Variants in GSE1 observed in about 807,000 individuals in gnomAD.
GSE1 encodes the protein genetic suppressor element 1.
In GSE1, 32 loss-of-function variants were observed where a neutral mutation model predicts 112.6. The observed-to-expected ratio is 0.28, with a 90% CI of 0.21 to 0.38. GSE1 has a LOEUF of 0.38. Ranked by LOEUF, GSE1 falls within the 10% of genes least tolerant of loss-of-function variation. The pLI is 1.00. For missense variants in GSE1, 2,348 were observed against 1,699.2 expected, an observed-to-expected ratio of 1.38 and a Z score of -6.71; for synonymous variants, 1,115 against 735.6, an observed-to-expected ratio of 1.52 and a Z score of -8.35.
At chr16:85,614,304 C>A (rs903664023) in intron 1 of GSE1, among the ~76,000 whole-genome samples, 5 of 152,116 alleles carry the variant, frequency 3.3e-5, no homozygotes, top group Non-Finnish European at 5.9e-5. Context: ...TATTGCAGCA[C>A]CAGAGACACC....
chr16:85,555,543 A>G, upstream of GSE1: 1 of 977,958 alleles, frequency 1.0e-6, no homozygotes, highest in Non-Finnish European at 1.2e-6. Flanking sequence ...TTGGGTATTA[A>G]TTTTCTCCTC....
chr16:85,390,709 C>G (rs1261669608), intron 2 of GSE1, among the ~76,000 whole-genome samples: 1 of 83,698 alleles, frequency 1.2e-5, no homozygotes, highest in Admixed American at 1.1e-4. Flanking sequence ...TCTGCCCCCC[C>G]CACCCCTCCC....
chr16:85,287,010 C>A (rs1054737961), intron 1 of GSE1, among the ~76,000 whole-genome samples: 6 of 152,186 alleles, frequency 3.9e-5, no homozygotes, highest in African/African-American at 9.6e-5. Context: ...CTGCCCGCCC[C>A]GGGTGCCGCC....
intron 1 of GSE1, among the ~76,000 whole-genome samples, chr16:85,599,725 CCTT>C (rs1334574414): frequency 1.3e-5 from 2 of 152,206 alleles, no homozygotes; most frequent in Admixed American, 1.3e-4. Flanking sequence ...TTCTCTTTCT[CCTT>C]CTCTCCCTCT....
exon 1 of GSE1, chr16:85,169,985 ACGACGGTGGCGGCCCCCGGCTGCGCGG>A (rs1030578149): frequency 6.0e-5 from 59 of 984,416 alleles, no homozygotes; most frequent in Non-Finnish European, 6.9e-5. Flanking sequence ...GACGACGAGG[ACGACGGTGGCGGCCCCCGGCTGCGCGG>A]GGCCGCGGAG....
intron 2 of GSE1, among the ~76,000 whole-genome samples, chr16:85,390,218 G>A (rs1305934817): frequency 2.0e-5 from 3 of 152,180 alleles, no homozygotes; most frequent in Non-Finnish European, 4.4e-5. Flanking sequence ...CACAGTAGGT[G>A]CTCCAAAATA....
At position 85,654,417 on chromosome 16, in the gene GSE1, C is replaced by T; in HGVS notation, c.566C>T (p.Ser189Leu). 1 of 1,582,382 alleles carries T rather than the reference C, an allele frequency of 6.3e-7. No individual in the cohort carries two copies. The highest frequency in any genetic ancestry group is 1.3e-5 in the African/African-American group (1 of 74,094). The part of the protein sequence containing the change: ...TPYPFGLSPS[S>L]VVQDSRFPPL... ...TACCCCTTCGGCCTCTCCCCCAGCT[C>T]AGTTGTGCAGGATTCCCGCTTCCCG... Residue 189 changes from serine to leucine, a missense_variant, in exon 4 of 16, where the codon TCA becomes TTA. Coordinates refer to ENST00000253458, the MANE Select transcript of GSE1 (RefSeq NM_014615.5).
intron 1 of GSE1, among the ~76,000 whole-genome samples, chr16:85,245,967 T>G (rs72805697): frequency 0.17 from 24,772 of 149,032 alleles, 2,284 homozygotes; most frequent in South Asian, 0.36. Flanking sequence ...CGTGTGTGTG[T>G]GGGGGGCTGT....
chr16:85,335,707 G>A (rs1405461659), intron 1 of GSE1, among the ~76,000 whole-genome samples: 1 of 152,224 alleles, frequency 6.6e-6, no homozygotes, highest in Non-Finnish European at 1.5e-5. Context: ...TTGGCTGCCG[G>A]GAGAAAGAGA....
At chr16:85,476,123 G>T (rs2050447051) in intron 2 of GSE1, among the ~76,000 whole-genome samples, 1 of 152,320 alleles carries the variant, frequency 6.6e-6, no homozygotes, top group East Asian at 1.9e-4. Context: ...GTAGAGACGG[G>T]ATTTCGCCAT....
chr16:85,343,391 G>T (rs531310282), intron 1 of GSE1, among the ~76,000 whole-genome samples: 4 of 152,172 alleles, frequency 2.6e-5, no homozygotes, highest in Non-Finnish European at 4.4e-5. Flanking sequence ...TGGAGGCTGG[G>T]TGAAGGGTGT....
intron 1 of GSE1, among the ~76,000 whole-genome samples, chr16:85,568,678 C>A (rs1457571863): frequency 6.6e-6 from 1 of 152,154 alleles, no homozygotes; most frequent in Non-Finnish European, 1.5e-5. Flanking sequence ...CTTGGGAAAC[C>A]CTTCCCCATT....
chr16:85,556,753 C>G (rs1241356228), intron 1 of GSE1, among the ~76,000 whole-genome samples: 3 of 142,084 alleles, frequency 2.1e-5, no homozygotes, highest in Non-Finnish European at 4.7e-5. Flanking sequence ...TAGCATGCCC[C>G]CCCCCCCCCC....
At chr16:85,671,166 G>GCA in intron 15 of GSE1, 68 bp downstream of exon 15, 2 of 907,602 alleles carry the variant, frequency 2.2e-6, no homozygotes, top group Non-Finnish European at 3.6e-6. Flanking sequence ...AAACACCCAT[G>GCA]CAGATAAGTT....
intron 2 of GSE1, among the ~76,000 whole-genome samples, chr16:85,390,728 C>T (rs1028011071): frequency 6.7e-6 from 1 of 149,964 alleles, no homozygotes; most frequent in African/African-American, 2.5e-5. Context: ...CCCGCCACCG[C>T]CCAGCTCTGG....
intron 1 of GSE1, among the ~76,000 whole-genome samples, chr16:85,265,542 CT>C (rs879371512): frequency 6.6e-6 from 1 of 152,186 alleles, no homozygotes; most frequent in Non-Finnish European, 1.5e-5. Flanking sequence ...CAGACCCCTC[CT>C]TTGTCCCCTG....
At chr16:85,276,178 C>G (rs1340749364) in intron 1 of GSE1, among the ~76,000 whole-genome samples, 1 of 152,280 alleles carries the variant, frequency 6.6e-6, no homozygotes, top group African/African-American at 2.4e-5. Context: ...CAGGCCAGGC[C>G]TGTTGTTTCC....
At chr16:85,484,247 T>G (rs1015509730) in intron 2 of GSE1, among the ~76,000 whole-genome samples, 1 of 152,176 alleles carries the variant, frequency 6.6e-6, no homozygotes, top group African/African-American at 2.4e-5. Flanking sequence ...CCTCTCTGCC[T>G]TTCTCCTCCG....
intron 2 of GSE1, among the ~76,000 whole-genome samples, chr16:85,511,234 T>TC (rs2051734141): frequency 2.0e-5 from 3 of 152,034 alleles, no homozygotes; most frequent in South Asian, 4.2e-4. Flanking sequence ...GAAAAATGCC[T>TC]CCCCCCTCCA....
Sources: gnomAD v4.1 joint callset for allele counts (sites outside exome capture counted in the v4.1 genomes callset) on GRCh38, gnomAD v4.1.1 for gene constraint, MANE v1.5 for transcripts, NCBI Gene and HGNC (gene_info 2026-07-23, HGNC 2026-07-21) for gene names.